IPCEF1: variants seen among roughly 807,000 people sequenced by gnomAD.
IPCEF1 encodes the protein interaction protein for cytohesin exchange factors 1, also known as interactor protein for cytohesin exchange factors 1.
In IPCEF1, 31 loss-of-function variants were observed where a neutral mutation model predicts 50.9. That is an observed-to-expected ratio of 0.61 (90% CI 0.46 to 0.82). The LOEUF is 0.82. Ranked by LOEUF, IPCEF1 falls within the 40% of genes least tolerant of loss-of-function variation. IPCEF1 has a pLI of 0.00. For synonymous variants in IPCEF1, 181 were observed against 192.0 expected (o/e 0.94, Z 0.47); for missense variants, 458 against 514.0 (o/e 0.89, Z 1.05).
intron 1 of IPCEF1, among the ~76,000 whole-genome samples, chr6:154,306,111 C>T (rs1259549897): frequency 6.6e-6 from 1 of 152,170 alleles, no homozygotes; most frequent in East Asian, 1.9e-4. Flanking sequence ...CCTAATACAT[C>T]CAGCTTCCTT....
At chr6:154,223,346 G>A (rs974746704) in intron 5 of IPCEF1, 103 bp from the exon 6 acceptor site, 5 of 904,866 alleles carry the variant, frequency 5.5e-6, no homozygotes, top group Non-Finnish European at 7.0e-6. Context: ...ATGACATGAG[G>A]GAGAATCAAG....
intron 10 of IPCEF1, among the ~76,000 whole-genome samples, chr6:154,172,095 C>A (rs557942790): frequency 1.3e-5 from 2 of 152,172 alleles, no homozygotes; most frequent in South Asian, 4.2e-4. Flanking sequence ...CCAATTGAGC[C>A]ACTAAAAGAA....
intron 10 of IPCEF1, among the ~76,000 whole-genome samples, chr6:154,187,352 T>C (rs1267663515): frequency 6.6e-6 from 1 of 152,192 alleles, no homozygotes; most frequent in Non-Finnish European, 1.5e-5. Context: ...TTCCTACTGT[T>C]TCCCTACCAG....
intron 1 of IPCEF1, among the ~76,000 whole-genome samples, chr6:154,316,269 T>C (rs1387890969): frequency 6.6e-6 from 1 of 152,228 alleles, no homozygotes; most frequent in East Asian, 1.9e-4. Flanking sequence ...TGTATGCTAT[T>C]GTACACTTAA....
intron 10 of IPCEF1, among the ~76,000 whole-genome samples, chr6:154,195,693 T>C (rs1776559197): frequency 6.6e-6 from 1 of 152,134 alleles, no homozygotes; most frequent in Non-Finnish European, 1.5e-5. Flanking sequence ...CTGTGGCACC[T>C]ATTTTACTCT....
chr6:154,307,911 A>G (rs1175168995), intron 1 of IPCEF1, among the ~76,000 whole-genome samples: 1 of 152,148 alleles, frequency 6.6e-6, no homozygotes, highest in African/African-American at 2.4e-5. Flanking sequence ...ACATCCACCC[A>G]CTGACAAATA....
At chr6:154,267,681 C>T (rs6901970) in intron 2 of IPCEF1, among the ~76,000 whole-genome samples, 32,697 of 152,128 alleles carry the variant, frequency 0.21, 4,141 homozygotes, top group Admixed American at 0.42. Context: ...GGCAGGTCGT[C>T]CCATGGAGTG....
intron 2 of IPCEF1, among the ~76,000 whole-genome samples, chr6:154,270,278 G>A (rs528151326): frequency 6.6e-6 from 1 of 152,186 alleles, no homozygotes; most frequent in Admixed American, 6.5e-5. Context: ...AGTAACTGTT[G>A]TGATAAATCA....
chr6:154,201,977 T>C lies in IPCEF1; in HGVS notation c.538-1937A>G, dbSNP rs140795588. Among the ~76,000 whole-genome samples, 839 of 152,308 alleles carry C rather than the reference T, an allele frequency of 5.5e-3. 5 individuals are homozygous for C. Among genetic ancestry groups the C allele is most frequent in the African/African-American group, 0.019 (797 of 41,564 alleles). ...GGAAGCCAAAGAGCAAACTAGGATC[T>C]TCTTCAAAAACCCTCAGAATCATTG... On this transcript the variant is annotated intron_variant, in intron 9 of 11. Coordinates refer to ENST00000367220, the MANE Select transcript of IPCEF1 (RefSeq NM_001130700.2).
intron 1 of IPCEF1, among the ~76,000 whole-genome samples, chr6:154,321,433 T>C (rs1200554318): frequency 6.6e-6 from 1 of 151,836 alleles, no homozygotes; most frequent in Non-Finnish European, 1.5e-5. Context: ...GTGATACGTA[T>C]ATTTATAAAT....
Position 154,159,557 on chromosome 6 carries a change from A to G in IPCEF1, c.*271T>C, listed in dbSNP as rs1562515589. The G allele has an allele frequency of 2.2e-6, 1 of 463,046 alleles. No individual in the cohort carries two copies. The highest frequency in any genetic ancestry group is 3.8e-6 in the Non-Finnish European group (1 of 263,588). 28.7% of individuals were successfully genotyped at this position (463,046 alleles called of 1,614,324 possible). ...GAGACATTTCTCACATCCCCCCTAGAGCCCCACATCACCGTGAGCTCCCAG... is the reference window on the plus strand; with the variant it reads ...GAGACATTTCTCACATCCCCCCTAGGGCCCCACATCACCGTGAGCTCCCAG... On this transcript the variant is annotated 3_prime_UTR_variant, in exon 12 of 12. Coordinates refer to ENST00000367220, the MANE Select transcript of IPCEF1 (RefSeq NM_001130700.2).
intron 9 of IPCEF1, among the ~76,000 whole-genome samples, chr6:154,201,325 T>G (rs1777051874): frequency 6.6e-6 from 1 of 152,212 alleles, no homozygotes; most frequent in Non-Finnish European, 1.5e-5. Context: ...ATGCCTTCTT[T>G]TTAAAAAATG....
At chr6:154,273,265 T>C (rs1009018252) in intron 2 of IPCEF1, among the ~76,000 whole-genome samples, 6 of 152,254 alleles carry the variant, frequency 3.9e-5, no homozygotes, top group South Asian at 2.1e-4. Context: ...TGCGTTATTC[T>C]TAAGCCAGAA....
intron 2 of IPCEF1, among the ~76,000 whole-genome samples, chr6:154,273,052 C>T (rs1776233085): frequency 6.6e-6 from 1 of 152,272 alleles, no homozygotes; most frequent in African/African-American, 2.4e-5. Context: ...GATTTAGAGA[C>T]GATTTTCCAG....
At position 154,199,795 on chromosome 6, in the gene IPCEF1, G is replaced by T. The variant is rs778801736; in HGVS notation, c.783C>A (p.Asn261Lys). 1 of 1,614,184 alleles carries T rather than the reference G, an allele frequency of 6.2e-7. No individual in the cohort carries two copies. Among genetic ancestry groups the T allele is most frequent in the East Asian group, 2.2e-5 (1 of 44,886 alleles). Residue 261 changes from asparagine (N) to lysine (K), a missense_variant, in exon 10 of 12, where the codon AAC (asparagine) becomes AAA (lysine). Transcript: ENST00000367220. ...SEAGIHKALE[N>K]SFVTSESGFL... Reference sequence around the variant, plus strand: ...ATCCACTTTCTGATGTGACAAAACTGTTTTCCAGGGCCTTGTGGATGCCTG... The same window carrying T: ...ATCCACTTTCTGATGTGACAAAACTTTTTTCCAGGGCCTTGTGGATGCCTG...
Position 154,207,443 on chromosome 6 carries a change from C to G in IPCEF1, c.537+5327G>C, listed in dbSNP as rs188983155. On this transcript the variant is annotated intron_variant, in intron 9 of 11. Coordinates refer to ENST00000367220, the MANE Select transcript of IPCEF1 (RefSeq NM_001130700.2). Reference sequence around the variant, plus strand: ...TGCAGTTCTGTTCTTTCATTTAGTACAGATATTGAATAATCAAATGACTTT... The same window carrying G: ...TGCAGTTCTGTTCTTTCATTTAGTAGAGATATTGAATAATCAAATGACTTT... 2.0e-5 allele frequency among the ~76,000 whole-genome samples: 3 copies of G among 152,216 alleles called. No homozygotes were observed. The South Asian group carries it at 6.2e-4, about 31-fold the overall frequency.
intron 1 of IPCEF1, among the ~76,000 whole-genome samples, chr6:154,330,379 G>T (rs1032310336): frequency 1.4e-5 from 2 of 142,656 alleles, no homozygotes; most frequent in Non-Finnish European, 3.0e-5. Context: ...CTGTCACCCA[G>T]GGTGGAGTGC....
chr6:154,184,233 A>G (rs925009885), intron 10 of IPCEF1, among the ~76,000 whole-genome samples: 2 of 152,094 alleles, frequency 1.3e-5, no homozygotes, highest in Admixed American at 6.5e-5. Context: ...CTCAAAATGT[A>G]ATAGCACTGG....
chr6:154,289,038 C>T (rs1782446329), intron 2 of IPCEF1, among the ~76,000 whole-genome samples: 1 of 152,130 alleles, frequency 6.6e-6, no homozygotes, highest in South Asian at 2.1e-4. Flanking sequence ...CAAAGTGAGA[C>T]ACTGTCTCAA....
Sources: allele counts gnomAD v4.1 joint callset (sites outside exome capture counted in the v4.1 genomes callset), GRCh38; gene constraint gnomAD v4.1.1; transcripts MANE v1.5; gene names NCBI Gene and HGNC (gene_info 2026-07-23, HGNC 2026-07-21).